ZNF738: variants seen among roughly 807,000 people sequenced by gnomAD.
The protein encoded by ZNF738 is zinc finger protein 738.
A neutral mutation model predicts 9.2 loss-of-function variants in ZNF738; 10 were observed. That is an observed-to-expected ratio of 1.09 (90% CI 0.67 to 1.85). ZNF738 has a LOEUF of 1.85. Ranked by LOEUF, ZNF738 falls within the 40% of genes most tolerant of loss-of-function variation. The pLI is 0.00. For synonymous variants in ZNF738, 113 were observed against 94.5 expected (o/e 1.20, Z -1.14); for missense variants, 346 against 283.6 (o/e 1.22, Z -1.58).
rs930435753 is a variant in ZNF738 at position 21,385,843 on chromosome 19, A to G, written c.*2169A>G. On this transcript the variant is annotated 3_prime_UTR_variant, in exon 5 of 5. Coordinates refer to ENST00000683779, the MANE Select transcript of ZNF738 (RefSeq NM_001355237.2). ...AAATAAGGTGATTCATTCTGGAGAG[A>G]AATTCTACAAATGTGAAGAATGTGG... Among the ~76,000 whole-genome samples the G allele has an allele frequency of 6.6e-6, 1 of 152,160 alleles. No individual in the cohort carries two copies. Among genetic ancestry groups the G allele is most frequent in the African/African-American group, 2.4e-5 (1 of 41,434 alleles).
At chr19:21,368,551 C>A (rs976687273) in intron 2 of ZNF738, among the ~76,000 whole-genome samples, 1 of 152,018 alleles carries the variant, frequency 6.6e-6, no homozygotes, top group African/African-American at 2.4e-5. Context: ...ACCTCAGCCT[C>A]CCAGGTTCAA....
rs1974065639 is a variant in ZNF738, at chr19:21,386,248, G to A, written c.*2574G>A. ...TGCACATAAGATAATTTATACTGTG[G>A]AGAAGCCTTACAAATGTGAAAAATG... On this transcript the variant is annotated 3_prime_UTR_variant, in exon 5 of 5. Coordinates refer to ENST00000683779, the MANE Select transcript of ZNF738 (RefSeq NM_001355237.2). 1.4e-5 allele frequency: 4 copies of A among 284,824 alleles called. No individual in the cohort carries two copies. Among genetic ancestry groups the A allele is most frequent in the Non-Finnish European group, 2.9e-5 (4 of 139,400 alleles). 17.6% of individuals were successfully genotyped at this position (284,824 alleles called of 1,614,324 possible).
At chr19:21,364,132 G>A (rs1222420382) in intron 2 of ZNF738, among the ~76,000 whole-genome samples, 1 of 143,440 alleles carries the variant, frequency 7.0e-6, no homozygotes, top group East Asian at 2.0e-4. Context: ...GGGAGATGGA[G>A]GTTGCAGTGA....
In ZNF738 at chr19:21,381,340, T is replaced by C. The variant is rs564901962; in HGVS notation, c.320-1526T>C. On this transcript the variant is annotated intron_variant, in intron 4 of 4. Coordinates refer to ENST00000683779, the MANE Select transcript of ZNF738 (RefSeq NM_001355237.2). ...TTTCCGCTCCTAAAACTGTTAGCTT[T>C]GCTTTCTTTTTGATGAATACTCTGA... is the stretch of plus-strand genomic sequence containing the variant. The C allele has an allele frequency of 5.5e-5, 84 of 1,536,352 alleles. No homozygotes were observed. In the African/African-American group the frequency reaches 8.4e-4, roughly 15 times the overall value.
intron 2 of ZNF738, 103 bp from the exon 3 acceptor site, chr19:21,375,135 A>T (rs1973908126): frequency 1.6e-6 from 1 of 627,664 alleles, no homozygotes; most frequent in Non-Finnish European, 2.7e-6. Context: ...TTATTCCTGT[A>T]AGTCAGAACC....
chr19:21,359,040 G>C lies in ZNF738; in HGVS notation c.-101G>C, dbSNP rs192938358. 34 of 815,048 alleles carry C rather than the reference G, an allele frequency of 4.2e-5. No homozygotes were observed. In the African/African-American group the frequency reaches 5.7e-4, roughly 14 times the overall value. The allele number at this position is 815,048 out of a possible 1,614,324, so 50.5% of individuals were successfully genotyped here. A position where few individuals can be genotyped will look rare whatever the true frequency, so the allele number is the denominator to read the frequency against. Reference sequence around the variant, plus strand: ...TGGAACTCCGGGTCTCGTCTTCACTGCTCTGTGTCCTCTGCTCCTAGAGGC... The same window carrying C: ...TGGAACTCCGGGTCTCGTCTTCACTCCTCTGTGTCCTCTGCTCCTAGAGGC... On this transcript the variant is annotated 5_prime_UTR_variant, in exon 1 of 5. Coordinates refer to ENST00000683779, the MANE Select transcript of ZNF738 (RefSeq NM_001355237.2).
chr19:21,374,447 G>C (rs2968035), intron 2 of ZNF738, among the ~76,000 whole-genome samples: 1 of 152,280 alleles, frequency 6.6e-6, no homozygotes, highest in Non-Finnish European at 1.5e-5. Context: ...TTCGGTGTGC[G>C]TCAGCACATC....
chr19:21,370,945 T>G (rs1973847585), intron 2 of ZNF738, among the ~76,000 whole-genome samples: 1 of 152,178 alleles, frequency 6.6e-6, no homozygotes, highest in African/African-American at 2.4e-5. Flanking sequence ...GTAGAAATCT[T>G]AAAGCCCCCA....
chr19:21,361,630 GT>G (rs1180214762), intron 1 of ZNF738, 135 bp from the exon 2 acceptor site: 5 of 667,828 alleles, frequency 7.5e-6, no homozygotes, highest in Non-Finnish European at 1.4e-5. Flanking sequence ...ATGGGGTGAT[GT>G]GTCCTCAGCC....
Position 21,384,210 on chromosome 19 carries a change from A to C in ZNF738, c.*536A>C, listed in dbSNP as rs1974040135. Reference sequence around the variant, plus strand: ...AGCTTTTAACTGGTACTCACGCCTTACTACACATAAGAGAATTCATACTGG... The same window carrying C: ...AGCTTTTAACTGGTACTCACGCCTTCCTACACATAAGAGAATTCATACTGG... On this transcript the variant is annotated 3_prime_UTR_variant, in exon 5 of 5. Transcript: ENST00000683779. 7 of 1,400,200 alleles carry C rather than the reference A, an allele frequency of 5.0e-6. No homozygotes were observed. The highest frequency in any genetic ancestry group is 7.1e-6 in the Non-Finnish European group (7 of 991,684). 86.7% of individuals were successfully genotyped at this position (1,400,200 alleles called of 1,614,324 possible).
At position 21,388,097 on chromosome 19, in the gene ZNF738, TTC is replaced by T. The variant is rs1974088711; in HGVS notation, c.*4425_*4426del. On this transcript the variant is annotated 3_prime_UTR_variant, in exon 5 of 5. Coordinates refer to ENST00000683779, the MANE Select transcript of ZNF738 (RefSeq NM_001355237.2). Reference sequence around the variant, plus strand: ...CACTGCAGATATACTAAGTCAAGAGTTCTGAGTATAGAAAATAATCTAAAACT... The same window carrying T: ...CACTGCAGATATACTAAGTCAAGAGTTGAGTATAGAAAATAATCTAAAACT... Among the ~76,000 whole-genome samples, 2 of 151,968 alleles carry T rather than the reference TTC, an allele frequency of 1.3e-5. No homozygotes were observed. The highest frequency in any genetic ancestry group is 4.8e-5 in the African/African-American group (2 of 41,370).
rs1431936308 is a variant in ZNF738 at position 21,388,212 on chromosome 19, AT to A, written c.*4541del. ...AATAACTACATTCTAAGTATACTTT[AT>A]TTCTTGAAAAAATTACAGACTTTGA... On this transcript the variant is annotated 3_prime_UTR_variant, in exon 5 of 5. Coordinates refer to ENST00000683779, the MANE Select transcript of ZNF738 (RefSeq NM_001355237.2). Among the ~76,000 whole-genome samples, 1 of 152,164 alleles carries A rather than the reference AT, an allele frequency of 6.6e-6. No individual in the cohort carries two copies.
chr19:21,384,153 G>T lies in ZNF738; in HGVS notation c.*479G>T. 1 of 1,464,170 alleles carries T rather than the reference G, an allele frequency of 6.8e-7. No individual in the cohort carries two copies. The highest frequency in any genetic ancestry group is 9.5e-7 in the Non-Finnish European group (1 of 1,049,140). The allele number at this position is 1,464,170 out of a possible 1,614,324, so 90.7% of individuals were successfully genotyped here. ...TACACATAAGATGATTCATACTGTAGAGAAACGCTACAAATGTGAGGAATG... is the reference window on the plus strand; with the variant it reads ...TACACATAAGATGATTCATACTGTATAGAAACGCTACAAATGTGAGGAATG... On this transcript the variant is annotated 3_prime_UTR_variant, in exon 5 of 5. Coordinates refer to ENST00000683779, the MANE Select transcript of ZNF738 (RefSeq NM_001355237.2).
At chr19:21,362,984 T>C (rs1412294872) in intron 2 of ZNF738, among the ~76,000 whole-genome samples, 1 of 152,242 alleles carries the variant, frequency 6.6e-6, no homozygotes, top group Non-Finnish European at 1.5e-5. Context: ...GCAGGGTAAA[T>C]TTTTGACAGC....
chr19:21,368,459 C>CTT (rs567976356), intron 2 of ZNF738, among the ~76,000 whole-genome samples: 2 of 151,022 alleles, frequency 1.3e-5, no homozygotes, highest in African/African-American at 2.4e-5. Flanking sequence ...GAGACAAACT[C>CTT]TTTTTTTTTC....
In ZNF738 at chr19:21,361,764, A is replaced by AG. The variant is rs1482209253; in HGVS notation, c.4dup. 1.3e-6 allele frequency: 1 copy of AG among 780,586 alleles called. No individual in the cohort carries two copies. The highest frequency in any genetic ancestry group is 2.4e-6 in the Non-Finnish European group (1 of 417,884). The allele number at this position is 780,586 out of a possible 1,614,324, so 48.4% of individuals were successfully genotyped here. A position where few individuals can be genotyped will look rare whatever the true frequency, so the allele number is the denominator to read the frequency against. Reference sequence around the variant, plus strand: ...CAGCTTCTGGTTTATTTTCTCCCATAGGACGACCTGAGGTATGGAGTGTAT... The same window carrying AG: ...CAGCTTCTGGTTTATTTTCTCCCATAGGGACGACCTGAGGTATGGAGTGTAT... On this transcript the variant is annotated splice_acceptor_variant, in intron 1 of 4. Coordinates refer to ENST00000683779, the MANE Select transcript of ZNF738 (RefSeq NM_001355237.2). LOFTEE classifies it high-confidence loss of function.
intron 2 of ZNF738, among the ~76,000 whole-genome samples, chr19:21,375,033 C>T (rs2088762): frequency 0.57 from 85,987 of 151,932 alleles, 24,610 homozygotes; most frequent in Middle Eastern, 0.69. Flanking sequence ...ATATATACAG[C>T]GGTATTGTGG....
chr19:21,386,181 G>A lies in ZNF738; in HGVS notation c.*2507G>A, dbSNP rs1041078737. On this transcript the variant is annotated 3_prime_UTR_variant, in exon 5 of 5. Transcript: ENST00000683779. ...TGTACTGGAGAGAAAACCTACAAAC[G>A]TGAGGAATGTGGCAAAGCCTTTAAT... Among the ~76,000 whole-genome samples, 1 of 151,868 alleles carries A rather than the reference G, an allele frequency of 6.6e-6. No homozygotes were observed. The highest frequency in any genetic ancestry group is 2.1e-4 in the South Asian group (1 of 4,816).
chr19:21,362,091 A>C (rs2928214), intron 2 of ZNF738, among the ~76,000 whole-genome samples: 2 of 49,464 alleles, frequency 4.0e-5, no homozygotes, highest in African/African-American at 1.4e-4. Flanking sequence ...TAATAATAAT[A>C]ATAATGATAA....
Sources: allele counts gnomAD v4.1 joint callset (sites outside exome capture counted in the v4.1 genomes callset), GRCh38; gene constraint gnomAD v4.1.1; transcripts MANE v1.5; gene names NCBI Gene and HGNC (gene_info 2026-07-23, HGNC 2026-07-21).